Variants in CAST observed in about 807,000 individuals in gnomAD.
The protein encoded by CAST is MIR583 host.
In CAST, 76 loss-of-function variants were observed where a neutral mutation model predicts 119.6. The ratio of observed to expected loss-of-function variants is 0.64; its 90% CI spans 0.53 to 0.77. The LOEUF (loss-of-function observed/expected upper bound fraction) is 0.77, where lower values mean the gene tolerates loss of function less well. Ranked by LOEUF, CAST falls within the 30% of genes least tolerant of loss-of-function variation. The pLI is 0.00. For missense variants in CAST, 953 were observed against 946.5 expected (o/e 1.01, Z -0.09); for synonymous variants, 319 against 331.6 (o/e 0.96, Z 0.41).
chr5:96,044,703 A>G, the CAST span, among the ~76,000 whole-genome samples: 8 of 152,202 alleles, frequency 5.3e-5, 1 homozygote, highest in Non-Finnish European at 1.2e-4. Flanking sequence ...ACTGGGAACT[A>G]CTTACCCAAG....
At chr5:96,513,337 C>T in the CAST span, among the ~76,000 whole-genome samples, 1 of 152,098 alleles carries the variant, frequency 6.6e-6, no homozygotes, top group Admixed American at 6.5e-5. Context: ...CAGGAGGAGA[C>T]AGACAATAAA....
At chr5:95,997,962 GGTTTT>G in the CAST span, among the ~76,000 whole-genome samples, 1 of 111,698 alleles carries the variant, frequency 9.0e-6, no homozygotes, top group Non-Finnish European at 1.7e-5. Context: ...TTTGAGAGAG[GGTTTT>G]TTTTTTTTTT....
chr5:96,317,476 CAAAAAAAA>C, the CAST span, among the ~76,000 whole-genome samples: 3 of 50,578 alleles, frequency 5.9e-5, no homozygotes, highest in South Asian at 1.0e-3. Context: ...GACTCCATCT[CAAAAAAAA>C]AAAAAAAAAA....
At chr5:95,980,727 T>C in the CAST span, among the ~76,000 whole-genome samples, 1 of 152,158 alleles carries the variant, frequency 6.6e-6, no homozygotes, top group Non-Finnish European at 1.5e-5. Flanking sequence ...TAAGTTCTCC[T>C]ACTGCCATCC....
the CAST span, among the ~76,000 whole-genome samples, chr5:96,335,754 T>C: frequency 1.3e-5 from 2 of 152,332 alleles, no homozygotes; most frequent in African/African-American, 4.8e-5. Flanking sequence ...CATGTATCAC[T>C]TCCCTCCAAC....
chr5:96,005,406 C>T, the CAST span, among the ~76,000 whole-genome samples: 1 of 152,140 alleles, frequency 6.6e-6, no homozygotes, highest in Admixed American at 6.5e-5. Context: ...GTGCTGTTGA[C>T]TGGTGTGTGA....
the CAST span, among the ~76,000 whole-genome samples, chr5:96,314,930 G>T: frequency 6.6e-6 from 1 of 152,186 alleles, no homozygotes; most frequent in Non-Finnish European, 1.5e-5. Context: ...CTTCAAAAAG[G>T]AATGATAGAA....
the CAST span, among the ~76,000 whole-genome samples, chr5:96,018,633 A>G: frequency 1.3e-5 from 2 of 152,142 alleles, no homozygotes; most frequent in South Asian, 4.1e-4. Flanking sequence ...ACATTTCAGT[A>G]TTTGGGGAAG....
chr5:96,662,978 C>T (rs1412694227), intron 1 of CAST: 1 of 621,518 alleles, frequency 1.6e-6, no homozygotes, highest in African/African-American at 1.9e-5. Context: ...GGGCCCCACC[C>T]CCAGGGTTCT....
chr5:96,675,719 T>C, intron 2 of CAST, 118 bp downstream of exon 2: 1 of 702,684 alleles, frequency 1.4e-6, no homozygotes. Flanking sequence ...TTGGGAAATT[T>C]TGATTTAACC....
chr5:96,224,707 A>T, the CAST span, among the ~76,000 whole-genome samples: 2 of 152,190 alleles, frequency 1.3e-5, no homozygotes, highest in Non-Finnish European at 2.9e-5. Context: ...GAATAAAGTT[A>T]TGTTGTTTTA....
At chr5:96,546,779 C>T (rs1360698893) in intron 1 of CAST, among the ~76,000 whole-genome samples, 4 of 152,162 alleles carry the variant, frequency 2.6e-5, no homozygotes, top group Admixed American at 2.6e-4. Context: ...GAGTATTGTA[C>T]CTTTTTTTCC....
chr5:96,662,552 G>A (rs1299160821), intron 1 of CAST, 55 bp downstream of exon 1: 5 of 1,329,024 alleles, frequency 3.8e-6, no homozygotes, highest in Non-Finnish European at 4.8e-6. Context: ...ACCGGGTCCC[G>A]GAGCTGTGGC....
At chr5:96,484,479 C>T in the CAST span, among the ~76,000 whole-genome samples, 1 of 152,164 alleles carries the variant, frequency 6.6e-6, no homozygotes, top group African/African-American at 2.4e-5. Context: ...TCCTAGCTGG[C>T]AGCAGACACC....
chr5:96,398,909 C>T, the CAST span: 1 of 1,613,744 alleles, frequency 6.2e-7, no homozygotes, highest in South Asian at 1.1e-5. Context: ...ACATGAAGGT[C>T]TCCTCTTCGG....
chr5:96,485,878 G>T, the CAST span, among the ~76,000 whole-genome samples: 1 of 151,904 alleles, frequency 6.6e-6, no homozygotes, highest in African/African-American at 2.4e-5. Flanking sequence ...AATTACTGGG[G>T]GTGTACAAAG....
chr5:96,016,234 A>G, the CAST span, among the ~76,000 whole-genome samples: 2 of 152,232 alleles, frequency 1.3e-5, no homozygotes, highest in African/African-American at 2.4e-5. Flanking sequence ...ATCTTTTAAC[A>G]CAGATCCCCT....
chr5:96,211,902 C>T, the CAST span, among the ~76,000 whole-genome samples: 1 of 152,008 alleles, frequency 6.6e-6, no homozygotes, highest in Non-Finnish European at 1.5e-5. Flanking sequence ...ATCAAAATTG[C>T]TAGAGTTTTG....
At chr5:96,221,645 G>A in the CAST span, among the ~76,000 whole-genome samples, 2 of 152,050 alleles carry the variant, frequency 1.3e-5, no homozygotes, top group African/African-American at 4.8e-5. Flanking sequence ...CACACTCATG[G>A]ACTAGAAGAG....
Sources: gnomAD v4.1 joint callset for allele counts (sites outside exome capture counted in the v4.1 genomes callset) on GRCh38, gnomAD v4.1.1 for gene constraint, MANE v1.5 for transcripts, NCBI Gene and HGNC (gene_info 2026-07-23, HGNC 2026-07-21) for gene names.